Variants in MAN1B1 observed in about 807,000 individuals in gnomAD.
MAN1B1 encodes the protein mannosidase alpha class 1B member 1, also known as endoplasmic reticulum mannosyl-oligosaccharide 1,2-alpha-mannosidase.
A neutral mutation model predicts 75.5 loss-of-function variants in MAN1B1; 66 were observed. That is an observed-to-expected ratio of 0.87 (90% CI 0.72 to 1.07). The LOEUF is 1.07. Among genes scored for constraint, MAN1B1 ranks in the 50% least tolerant of loss-of-function variants. The pLI is 0.00. For missense variants in MAN1B1, 973 were observed against 912.5 expected, an observed-to-expected ratio of 1.07 and a Z score of -0.85; for synonymous variants, 453 against 382.8, an observed-to-expected ratio of 1.18 and a Z score of -2.14.
Position 137,107,549 on chromosome 9 carries a change from C to A in MAN1B1, c.1783C>A (p.Leu595Met). The change falls in exon 12 of 13, where the codon CTG (leucine) becomes ATG (methionine). Residue 595 changes from leucine to methionine, a missense_variant. Leu to Met is a conservative substitution (Grantham distance 15). Transcript: ENST00000371589. ...CCCACAGCCAGCAGACAGGCACAACCTGCTGCGGCCAGAGACCGTGGAGAG... is the reference window on the plus strand; with the variant it reads ...CCCACAGCCAGCAGACAGGCACAACATGCTGCGGCCAGAGACCGTGGAGAG... ...VEVKPADRHN[L>M]LRPETVESLF... 6.2e-7 allele frequency: 1 copy of A among 1,612,882 alleles called. No homozygotes were observed. Among genetic ancestry groups the A allele is most frequent in the Non-Finnish European group, 8.5e-7 (1 of 1,179,982 alleles).
intron 4 of MAN1B1, among the ~76,000 whole-genome samples, chr9:137,097,091 T>G (rs1341093715): frequency 1.3e-5 from 2 of 152,338 alleles, no homozygotes; most frequent in African/African-American, 2.4e-5. Flanking sequence ...CGTGGACATG[T>G]GCATGTGAGG....
Position 137,106,316 on chromosome 9 carries a change from G to A in MAN1B1, c.1445+1G>A. ...TCCAGGGCGGGAAGCAGGAGACACA[G>A]TGAGGCCCGGCCCGCTGCCCCCAGC... On this transcript the variant is annotated splice_donor_variant, in intron 9 of 12. Transcript: ENST00000371589. LOFTEE classifies it high-confidence loss of function. 1.3e-6 allele frequency: 2 copies of A among 1,548,970 alleles called. No homozygotes were observed. Among genetic ancestry groups the A allele is most frequent in the Non-Finnish European group, 1.7e-6 (2 of 1,147,064 alleles).
At chr9:137,104,792 G>C (rs1291682650) in intron 8 of MAN1B1, 1 of 151,900 alleles carries the variant, frequency 6.6e-6, no homozygotes, top group Non-Finnish European at 1.4e-5. Flanking sequence ...GCTTTGTTGT[G>C]AGTGCGGGTG....
intron 3 of MAN1B1, chr9:137,089,222 TCTGA>T: frequency 1.6e-6 from 1 of 630,690 alleles, no homozygotes; most frequent in Admixed American, 2.4e-5. Context: ...CGGTTTTACT[TCTGA>T]CTGTGCAGTG....
chr9:137,087,491 C>G (rs983443116), intron 1 of MAN1B1: 1 of 654,846 alleles, frequency 1.5e-6, no homozygotes, highest in South Asian at 1.5e-5. Context: ...GTTCGCTTTT[C>G]TGCAAGGTCC....
intron 12 of MAN1B1, 98 bp from the exon 13 acceptor site, chr9:137,108,290 G>A: frequency 9.1e-7 from 1 of 1,097,638 alleles, no homozygotes; most frequent in Non-Finnish European, 1.4e-6. Context: ...TTGCGCTGGG[G>A]GCCACATTCA....
intron 3 of MAN1B1, among the ~76,000 whole-genome samples, chr9:137,091,886 G>T (rs1333446914): frequency 2.0e-5 from 3 of 152,134 alleles, no homozygotes; most frequent in Non-Finnish European, 4.4e-5. Flanking sequence ...TCCAACTCCT[G>T]AGCTGAAGTG....
At chr9:137,092,970 C>T (rs1176183024) in intron 3 of MAN1B1, among the ~76,000 whole-genome samples, 1 of 152,094 alleles carries the variant, frequency 6.6e-6, no homozygotes, top group Non-Finnish European at 1.5e-5. Flanking sequence ...ATTAGTATGA[C>T]TGTTGTGAGT....
chr9:137,106,421 C>A, intron 9 of MAN1B1, 106 bp downstream of exon 9: 1 of 1,147,558 alleles, frequency 8.7e-7, no homozygotes, highest in Non-Finnish European at 1.2e-6. Context: ...CTGCCCCCCG[C>A]CACACTGTGT....
Position 137,088,871 on chromosome 9 carries a change from CT to C in MAN1B1, c.332del (p.Leu111ArgfsTer5). 4.3e-6 allele frequency: 7 copies of C among 1,613,932 alleles called. No homozygotes were observed. Among genetic ancestry groups the C allele is most frequent in the Non-Finnish European group, 5.9e-6 (7 of 1,180,036 alleles). On this transcript the variant is annotated frameshift_variant, in exon 3 of 13. Transcript: ENST00000371589. LOFTEE classifies it high-confidence loss of function. ...ATAAAATAGCTTCTGTTATTCAGCT[CT>C]GGCTTTCAGGCTAGAGGAAGAGCAG... Reference protein sequence around the residue: ...YINLADHWKALAFRLEEEQKM... With the variant: ...YINLADHWKAXAFRLEEEQKM...
chr9:137,104,127 AC>A (rs1831010588), intron 8 of MAN1B1: 1 of 452,080 alleles, frequency 2.2e-6, no homozygotes, highest in African/African-American at 2.0e-5. Flanking sequence ...TCACACAGTG[AC>A]CCTTCATGTC....
intron 3 of MAN1B1, among the ~76,000 whole-genome samples, chr9:137,092,972 G>A (rs1434232745): frequency 6.6e-6 from 1 of 152,144 alleles, no homozygotes; most frequent in African/African-American, 2.4e-5. Context: ...TAGTATGACT[G>A]TTGTGAGTTA....
rs1830426554 is a variant in MAN1B1, at chr9:137,088,179, G to C, written c.324G>C (p.Trp108Cys). Residue 108 changes from tryptophan (W) to cysteine (C), a missense_variant, in exon 2 of 13, where the codon TGG becomes TGC. By Grantham distance (215) the Trp-to-Cys change is radical. Coordinates refer to ENST00000371589, the MANE Select transcript of MAN1B1 (RefSeq NM_016219.5). ...TCTACATCAACTTGGCTGACCATTG[G>C]AAAGGTATCAGAAACACGTGTACTT... ...LLFYINLADH[W>C]KALAFRLEEE... 2 of 1,614,126 alleles carry C rather than the reference G, an allele frequency of 1.2e-6. No homozygotes were observed. Among genetic ancestry groups the C allele is most frequent in the South Asian group, 2.2e-5 (2 of 91,090 alleles).
In MAN1B1 at chr9:137,101,907, G is replaced by A. The variant is rs559424421; in HGVS notation, c.1254+235G>A. On this transcript the variant is annotated intron_variant, in intron 8 of 12. Coordinates refer to ENST00000371589, the MANE Select transcript of MAN1B1 (RefSeq NM_016219.5). ...TACACACATTCACACTGTTGCAGGCGTGCAGGTCGGTGGTGTTACACACAT... is the reference window on the plus strand; with the variant it reads ...TACACACATTCACACTGTTGCAGGCATGCAGGTCGGTGGTGTTACACACAT... The A allele has an allele frequency of 8.1e-4, 533 of 656,266 alleles. 1 individual carries two copies. Among genetic ancestry groups the A allele is most frequent in the African/African-American group, 7.0e-3 (393 of 56,136 alleles). 40.7% of individuals were successfully genotyped at this position (656,266 alleles called of 1,614,324 possible).
rs1210966782 is a variant in MAN1B1 at position 137,105,647 on chromosome 9, C to G, written c.1255-478C>G. 14 of 332,822 alleles carry G rather than the reference C, an allele frequency of 4.2e-5. 1 individual carries two copies. The highest frequency in any genetic ancestry group is 1.7e-4 in the South Asian group (7 of 40,830). 20.6% of individuals were successfully genotyped at this position (332,822 alleles called of 1,614,324 possible). Reference sequence around the variant, plus strand: ...CCAGCTGGGCGTAAGCCCTGAGGAGCTGAGGGTGGCTGTGACTTGGAGGAT... The same window carrying G: ...CCAGCTGGGCGTAAGCCCTGAGGAGGTGAGGGTGGCTGTGACTTGGAGGAT... On this transcript the variant is annotated intron_variant, in intron 8 of 12. Coordinates refer to ENST00000371589, the MANE Select transcript of MAN1B1 (RefSeq NM_016219.5).
intron 6 of MAN1B1, among the ~76,000 whole-genome samples, chr9:137,100,094 T>C (rs1338661687): frequency 6.6e-6 from 1 of 152,246 alleles, no homozygotes; most frequent in Non-Finnish European, 1.5e-5. Flanking sequence ...TCCCCAGACC[T>C]CTGCAGGAGT....
At position 137,096,742 on chromosome 9, in the gene MAN1B1, A is replaced by G. The variant is rs114335163; in HGVS notation, c.620+351A>G. Among the ~76,000 whole-genome samples, 1,363 of 152,316 alleles carry G rather than the reference A, an allele frequency of 8.9e-3. 12 individuals are homozygous for G. Among genetic ancestry groups the G allele is most frequent in the African/African-American group, 0.023 (965 of 41,562 alleles). On this transcript the variant is annotated intron_variant, in intron 4 of 12. Coordinates refer to ENST00000371589, the MANE Select transcript of MAN1B1 (RefSeq NM_016219.5). The stretch of plus-strand genomic sequence containing the variant: ...AGCCCCATCTGGTCGAGCAGAGAGC[A>G]GAGGGAGAGGGAGTTGCCCGGTGCC...
intron 9 of MAN1B1, 58 bp downstream of exon 9, chr9:137,106,373 A>G (rs1242940653): frequency 3.1e-6 from 4 of 1,299,524 alleles, no homozygotes; most frequent in Non-Finnish European, 3.0e-6. Context: ...GCAGCCCCCC[A>G]CTCCTGCTGC....
chr9:137,092,312 C>G (rs1365560050), intron 3 of MAN1B1, among the ~76,000 whole-genome samples: 1 of 151,856 alleles, frequency 6.6e-6, no homozygotes, highest in Non-Finnish European at 1.5e-5. Flanking sequence ...GAGCTATGAT[C>G]CAGCCTGGAT....
Sources: allele counts gnomAD v4.1 joint callset (sites outside exome capture counted in the v4.1 genomes callset), GRCh38; gene constraint gnomAD v4.1.1; transcripts MANE v1.5; gene names NCBI Gene and HGNC (gene_info 2026-07-23, HGNC 2026-07-21).